Variants in SLC35F3 observed in about 807,000 individuals in gnomAD.
SLC35F3 encodes solute carrier family 35 member F3.
In SLC35F3, 25 loss-of-function variants were observed where a neutral mutation model predicts 49.9. The ratio of observed to expected loss-of-function variants is 0.50; its 90% CI spans 0.37 to 0.70. The LOEUF is 0.70. Ranked by LOEUF, SLC35F3 falls within the 30% of genes least tolerant of loss-of-function variation. SLC35F3 has a pLI of 0.00. For missense variants in SLC35F3, 525 were observed against 639.8 expected (o/e 0.82, Z 1.94); for synonymous variants, 275 against 265.4 (o/e 1.04, Z -0.35).
intron 3 of SLC35F3, among the ~76,000 whole-genome samples, chr1:234,264,108 TAAC>T (rs1368039396): frequency 1.3e-5 from 2 of 152,082 alleles, no homozygotes; most frequent in Non-Finnish European, 2.9e-5. Flanking sequence ...AACTCTGTCT[TAAC>T]AACAACAACA....
At chr1:233,914,502 C>T (rs1661937033) in intron 2 of SLC35F3, among the ~76,000 whole-genome samples, 1 of 152,224 alleles carries the variant, frequency 6.6e-6, no homozygotes, top group Admixed American at 6.5e-5. Context: ...AAACCAGGTT[C>T]TGTTGTGTGC....
intron 4 of SLC35F3, among the ~76,000 whole-genome samples, chr1:234,311,740 T>C (rs1657360159): frequency 6.6e-6 from 1 of 152,224 alleles, no homozygotes; most frequent in African/African-American, 2.4e-5. Context: ...TGTGTCGCCA[T>C]CTGACTCTCT....
At chr1:234,091,218 G>A (rs183135364) in intron 2 of SLC35F3, among the ~76,000 whole-genome samples, 2 of 152,034 alleles carry the variant, frequency 1.3e-5, no homozygotes, top group East Asian at 2.0e-4. Context: ...ATGATAGCTT[G>A]ACCTAGTCCT....
chr1:234,094,976 A>G (rs1294934940), intron 2 of SLC35F3, among the ~76,000 whole-genome samples: 1 of 152,136 alleles, frequency 6.6e-6, no homozygotes, highest in African/African-American at 2.4e-5. Flanking sequence ...AGTACTTACT[A>G]CTTCCTTTTG....
At chr1:233,965,840 A>G (rs1450933737) in intron 2 of SLC35F3, among the ~76,000 whole-genome samples, 2 of 152,218 alleles carry the variant, frequency 1.3e-5, no homozygotes. Context: ...ATAAACCTCT[A>G]TGTAGGGGTA....
intron 3 of SLC35F3, among the ~76,000 whole-genome samples, chr1:234,250,989 TG>T (rs1469270655): frequency 2.0e-5 from 3 of 152,110 alleles, no homozygotes; most frequent in Admixed American, 2.0e-4. Flanking sequence ...ACATGAGATT[TG>T]GAGGGGCCAA....
chr1:234,028,949 C>T (rs1005419739), intron 2 of SLC35F3, among the ~76,000 whole-genome samples: 1 of 152,170 alleles, frequency 6.6e-6, no homozygotes, highest in Non-Finnish European at 1.5e-5. Context: ...CCGTGGGGAG[C>T]TGAAGACACA....
chr1:234,092,832 C>T (rs1183567247), intron 2 of SLC35F3, among the ~76,000 whole-genome samples: 1 of 152,180 alleles, frequency 6.6e-6, no homozygotes, highest in Admixed American at 6.5e-5. Flanking sequence ...TGCACCAGTG[C>T]ACTCCAGCCT....
intron 2 of SLC35F3, among the ~76,000 whole-genome samples, chr1:234,227,392 CTTTTTTTTTTTTTTT>C (rs369277069): frequency 4.6e-5 from 5 of 108,668 alleles, no homozygotes; most frequent in African/African-American, 1.0e-4. Context: ...CTCTTTCTTT[CTTTTTTTTTTTTTTT>C]TTTTTTTTTG....
intron 2 of SLC35F3, among the ~76,000 whole-genome samples, chr1:234,063,318 A>G (rs1664571752): frequency 6.6e-6 from 1 of 152,230 alleles, no homozygotes; most frequent in Non-Finnish European, 1.5e-5. Context: ...CTTCTAAGCT[A>G]TATGTCTATG....
intron 2 of SLC35F3, among the ~76,000 whole-genome samples, chr1:234,185,711 A>G (rs574771725): frequency 5.3e-5 from 8 of 152,294 alleles, no homozygotes; most frequent in South Asian, 2.1e-4. Context: ...GGAGTCCTCA[A>G]ATGTGGACCT....
At chr1:234,188,008 C>A (rs1041268155) in intron 2 of SLC35F3, among the ~76,000 whole-genome samples, 5 of 152,068 alleles carry the variant, frequency 3.3e-5, no homozygotes, top group Non-Finnish European at 7.4e-5. Flanking sequence ...GAGGCCGAGG[C>A]GGGCGGATCA....
chr1:234,120,419 C>T (rs940156079), intron 2 of SLC35F3, among the ~76,000 whole-genome samples: 5 of 152,180 alleles, frequency 3.3e-5, no homozygotes, highest in African/African-American at 1.2e-4. Context: ...AATTCAGAAA[C>T]CGTGCTCAGC....
At chr1:234,233,432 G>A (rs1667415389) in intron 3 of SLC35F3, among the ~76,000 whole-genome samples, 1 of 152,196 alleles carries the variant, frequency 6.6e-6, no homozygotes, top group Admixed American at 6.5e-5. Context: ...GGCTGAAAGA[G>A]GACCCCCAAG....
chr1:234,111,562 G>A (rs576689092), intron 2 of SLC35F3, among the ~76,000 whole-genome samples: 1 of 152,202 alleles, frequency 6.6e-6, no homozygotes, highest in Admixed American at 6.5e-5. Flanking sequence ...CAAAGTGCTC[G>A]GATTACAGGC....
chr1:234,026,842 G>A lies in SLC35F3; in HGVS notation c.283+121084G>A, dbSNP rs531916252. The A allele has an allele frequency of 2.6e-5, 4 of 152,360 alleles. No homozygotes were observed. The East Asian group carries it at 5.8e-4, about 22-fold the overall frequency. 9.4% of individuals were successfully genotyped at this position (152,360 alleles called of 1,614,324 possible). On this transcript the variant is annotated intron_variant, in intron 2 of 7. Transcript: ENST00000366618. The stretch of plus-strand genomic sequence containing the variant: ...AAAACTTGGCATTGAGTATGAAGGT[G>A]CCACCATTTTCTCAGCAAAGTGTAC...
chr1:233,992,898 A>G (rs1226245437), intron 2 of SLC35F3, among the ~76,000 whole-genome samples: 1 of 152,138 alleles, frequency 6.6e-6, no homozygotes, highest in Non-Finnish European at 1.5e-5. Context: ...TCTGAAAGGG[A>G]AAGTGGGAGG....
intron 3 of SLC35F3, among the ~76,000 whole-genome samples, chr1:234,265,798 C>T (rs1351304965): frequency 1.3e-5 from 2 of 152,140 alleles, no homozygotes; most frequent in East Asian, 3.8e-4. Flanking sequence ...GTCTATGTAC[C>T]CCACATGATG....
intron 2 of SLC35F3, among the ~76,000 whole-genome samples, chr1:234,090,544 G>A (rs1206663945): frequency 1.3e-5 from 2 of 152,246 alleles, no homozygotes; most frequent in East Asian, 1.9e-4. Flanking sequence ...ATGGTCTAAA[G>A]TATGGGGAAA....
Sources: allele counts gnomAD v4.1 joint callset (sites outside exome capture counted in the v4.1 genomes callset), GRCh38; gene constraint gnomAD v4.1.1; transcripts MANE v1.5; gene names NCBI Gene and HGNC (gene_info 2026-07-23, HGNC 2026-07-21).